Variants in WWOX observed in about 807,000 individuals in gnomAD.
WWOX encodes WW domain-containing oxidoreductase.
A neutral mutation model predicts 46.2 loss-of-function variants in WWOX; 69 were observed. The ratio of observed to expected loss-of-function variants is 1.49; its 90% CI spans 1.23 to 1.82. The LOEUF is 1.82. Among genes scored for constraint, WWOX ranks in the 40% most tolerant of loss-of-function variants. WWOX has a pLI of 0.00. For synonymous variants in WWOX, 359 were observed against 202.6 expected, an observed-to-expected ratio of 1.77 and a Z score of -6.56; for missense variants, 919 against 542.6, an observed-to-expected ratio of 1.69 and a Z score of -6.89.
chr16:78,479,259 G>T (rs1032941277), intron 8 of WWOX, among the ~76,000 whole-genome samples: 1 of 152,284 alleles, frequency 6.6e-6, no homozygotes, highest in African/African-American at 2.4e-5. Context: ...ACTTCAGACA[G>T]TAAGGATATG....
chr16:78,747,501 C>T lies in WWOX; in HGVS notation c.1056+314749C>T, dbSNP rs117424874. On this transcript the variant is annotated intron_variant, in intron 8 of 8. Transcript: ENST00000566780. The stretch of plus-strand genomic sequence containing the variant: ...TGCCAGCGTTCTTAGCATCTCCCAA[C>T]AACCCTAGGAGACAGGCATTACAAT... Among the ~76,000 whole-genome samples the T allele has an allele frequency of 5.4e-3, 818 of 152,286 alleles. 4 individuals carry two copies. The highest frequency in any genetic ancestry group is 8.5e-3 in the Non-Finnish European group (580 of 68,028).
chr16:78,473,071 T>A (rs1320871547), intron 8 of WWOX, among the ~76,000 whole-genome samples: 3 of 152,228 alleles, frequency 2.0e-5, no homozygotes, highest in Non-Finnish European at 4.4e-5. Context: ...TACATGAAGT[T>A]TAAACTTGAG....
intron 8 of WWOX, among the ~76,000 whole-genome samples, chr16:78,491,645 A>G (rs564059536): frequency 2.0e-5 from 3 of 152,154 alleles, no homozygotes; most frequent in South Asian, 2.1e-4. Flanking sequence ...CTTGTTTTCA[A>G]TGCAGTATAT....
intron 8 of WWOX, among the ~76,000 whole-genome samples, chr16:78,572,670 A>AG: frequency 1.3e-5 from 2 of 152,000 alleles, no homozygotes; most frequent in East Asian, 3.9e-4. Context: ...CAATTTATAG[A>AG]AAGCTTAAAG....
intron 6 of WWOX, among the ~76,000 whole-genome samples, chr16:78,400,699 C>G (rs139161297): frequency 1.2e-4 from 19 of 152,124 alleles, no homozygotes; most frequent in African/African-American, 3.4e-4. Context: ...GGAAGGAAAG[C>G]AGGGATCATT....
chr16:78,785,847 A>C (rs981756282), intron 8 of WWOX, among the ~76,000 whole-genome samples: 2 of 152,126 alleles, frequency 1.3e-5, no homozygotes, highest in African/African-American at 4.8e-5. Flanking sequence ...TTTTTCTGCT[A>C]CTCATAATGT....
At chr16:78,993,972 A>C (rs1378076882) in intron 8 of WWOX, among the ~76,000 whole-genome samples, 1 of 152,188 alleles carries the variant, frequency 6.6e-6, no homozygotes, top group Non-Finnish European at 1.5e-5. Context: ...GCAAGCCAAC[A>C]GCTCAGCCCT....
intron 8 of WWOX, among the ~76,000 whole-genome samples, chr16:78,719,512 T>C (rs975843524): frequency 1.3e-5 from 2 of 152,246 alleles, no homozygotes; most frequent in South Asian, 2.1e-4. Flanking sequence ...CTAGATGAAA[T>C]GCGAATAAAT....
intron 8 of WWOX, among the ~76,000 whole-genome samples, chr16:78,852,929 T>G (rs1475801747): frequency 6.6e-6 from 1 of 152,220 alleles, no homozygotes; most frequent in Non-Finnish European, 1.5e-5. Context: ...TTTCTTCTCA[T>G]CATTAAATGA....
intron 5 of WWOX, among the ~76,000 whole-genome samples, chr16:78,220,453 A>G: frequency 6.6e-6 from 1 of 152,158 alleles, no homozygotes; most frequent in Non-Finnish European, 1.5e-5. Context: ...GTAATACTTA[A>G]AGGCTTTCTG....
At position 78,191,069 on chromosome 16, in the gene WWOX, C is replaced by T. The variant is rs2035868115; in HGVS notation, c.516+26780C>T. ...GTTAAGAGAAAATCTACTTTATGAG[C>T]CCTCTTTCCAACCGCAGTGTTGAGG... On this transcript the variant is annotated intron_variant, in intron 5 of 8. Coordinates refer to ENST00000566780, the MANE Select transcript of WWOX (RefSeq NM_016373.4). Among the ~76,000 whole-genome samples, 8 of 152,164 alleles carry T rather than the reference C, an allele frequency of 5.3e-5. No homozygotes were observed. The South Asian group carries it at 1.7e-3, about 32-fold the overall frequency.
chr16:78,115,645 C>T (rs893594696), intron 4 of WWOX, among the ~76,000 whole-genome samples: 17 of 152,168 alleles, frequency 1.1e-4, no homozygotes, highest in African/African-American at 3.6e-4. Context: ...GAGTTCCTGT[C>T]TTCACCTCTT....
intron 8 of WWOX, among the ~76,000 whole-genome samples, chr16:78,654,625 C>T (rs1177297178): frequency 2.6e-5 from 4 of 152,016 alleles, no homozygotes; most frequent in African/African-American, 9.6e-5. Flanking sequence ...ATGTACCTAC[C>T]TATCTATACC....
intron 8 of WWOX, among the ~76,000 whole-genome samples, chr16:78,591,636 C>G (rs2045354581): frequency 6.6e-6 from 1 of 152,160 alleles, no homozygotes; most frequent in African/African-American, 2.4e-5. Flanking sequence ...TTCTCTGAGT[C>G]TCAGCTGACC....
chr16:79,001,172 C>A (rs1464766622), intron 8 of WWOX, among the ~76,000 whole-genome samples: 2 of 152,218 alleles, frequency 1.3e-5, no homozygotes, highest in African/African-American at 2.4e-5. Context: ...CTGCTGAATG[C>A]ACTTTTGAAT....
intron 8 of WWOX, among the ~76,000 whole-genome samples, chr16:78,702,099 G>GC (rs2048234786): frequency 2.4e-5 from 1 of 41,990 alleles, no homozygotes; most frequent in African/African-American, 1.0e-4. Flanking sequence ...TATCTATAAA[G>GC]TTATATATAT....
rs558528390 is a variant in WWOX, at chr16:79,032,097, A to T, written c.1057-179511A>T. On this transcript the variant is annotated intron_variant, in intron 8 of 8. Transcript: ENST00000566780. ...TATATATATAAAATATATATTATGT[A>T]TAGATAATTTATATATAAATATGTG... 4.0e-4 allele frequency among the ~76,000 whole-genome samples: 58 copies of T among 144,816 alleles called. No homozygotes were observed. In the East Asian group the frequency reaches 0.011, roughly 28 times the overall value.
chr16:78,704,698 A>G (rs978686709), intron 8 of WWOX, among the ~76,000 whole-genome samples: 1 of 152,146 alleles, frequency 6.6e-6, no homozygotes, highest in Admixed American at 6.5e-5. Flanking sequence ...ACTGTGTAAT[A>G]GTAAGCAGAC....
In WWOX at chr16:78,486,325, C is replaced by G. The variant is rs183802651; in HGVS notation, c.1056+53573C>G. On this transcript the variant is annotated intron_variant, in intron 8 of 8. Transcript: ENST00000566780. ...ATGCCGACTAATAGACATAAATAAC[C>G]TCATGAGCATAGATAATAGTCACAT... Among the ~76,000 whole-genome samples the G allele has an allele frequency of 2.0e-5, 3 of 152,176 alleles. No individual in the cohort carries two copies. The South Asian group carries it at 6.2e-4, about 32-fold the overall frequency.
Sources: gnomAD v4.1 joint callset for allele counts (sites outside exome capture counted in the v4.1 genomes callset) on GRCh38, gnomAD v4.1.1 for gene constraint, MANE v1.5 for transcripts, NCBI Gene and HGNC (gene_info 2026-07-23, HGNC 2026-07-21) for gene names.